SUMF1: variants seen among roughly 807,000 people sequenced by gnomAD.
SUMF1 encodes the protein sulfatase modifying factor 1, also known as formylglycine-generating enzyme.
Under a neutral mutation model 47.6 loss-of-function variants are expected in SUMF1, and 48 were observed. That is an observed-to-expected ratio of 1.01 (90% CI 0.80 to 1.28). The LOEUF (loss-of-function observed/expected upper bound fraction) is 1.28, where lower values mean the gene tolerates loss of function less well. Among genes scored for constraint, SUMF1 ranks in the 50% most tolerant of loss-of-function variants. SUMF1 has a pLI of 0.00. For missense variants in SUMF1, 571 were observed against 485.4 expected (o/e 1.18, Z -1.66); for synonymous variants, 230 against 192.1 (o/e 1.20, Z -1.63).
At chr3:4,345,503 C>G (rs2125146946) in intron 8 of SUMF1, among the ~76,000 whole-genome samples, 1 of 152,306 alleles carries the variant, frequency 6.6e-6, no homozygotes, top group South Asian at 2.1e-4. Flanking sequence ...TCATTACCAA[C>G]AGGCCTGCCC....
chr3:4,187,173 C>A lies in SUMF1; in HGVS notation c.1015-118428G>T, dbSNP rs1376059026. Among the ~76,000 whole-genome samples, 3 of 151,828 alleles carry A rather than the reference C, an allele frequency of 2.0e-5. No homozygotes were observed. In the East Asian group the frequency reaches 5.8e-4, roughly 29 times the overall value. On this transcript the variant is annotated intron_variant and NMD_transcript_variant, in intron 8 of 12. Transcript: ENST00000448413. ...CTGCTTGAAGCCAGGAGTATGAGAC[C>A]AGCCTGGGCAACAAAGCAAGACCCC... is the stretch of plus-strand genomic sequence containing the variant.
intron 9 of SUMF1, among the ~76,000 whole-genome samples, chr3:4,041,330 C>T (rs1238200853): frequency 6.6e-6 from 1 of 152,196 alleles, no homozygotes; most frequent in East Asian, 1.9e-4. Context: ...CCTCGGCCTC[C>T]CAAAGTGCTG....
intron 8 of SUMF1, among the ~76,000 whole-genome samples, chr3:4,335,973 A>AAAAAAAAC (rs1699144751): frequency 1.3e-5 from 2 of 148,218 alleles, no homozygotes; most frequent in Non-Finnish European, 1.5e-5. Flanking sequence ...AAAAAAAAAA[A>AAAAAAAAC]AAAAAAACAG....
At chr3:4,385,196 G>A (rs1700633409) in intron 7 of SUMF1, among the ~76,000 whole-genome samples, 1 of 151,994 alleles carries the variant, frequency 6.6e-6, no homozygotes, top group South Asian at 2.1e-4. Context: ...GAATGTTTAG[G>A]TTTTAAAGAA....
intron 8 of SUMF1, among the ~76,000 whole-genome samples, chr3:4,141,334 G>C (rs1233769665): frequency 1.3e-5 from 2 of 152,120 alleles, no homozygotes; most frequent in African/African-American, 4.8e-5. Context: ...GGCCAAGGGG[G>C]AGAAGAAATT....
chr3:4,288,113 C>G (rs1048092746), intron 8 of SUMF1, among the ~76,000 whole-genome samples: 10 of 152,106 alleles, frequency 6.6e-5, no homozygotes, highest in Non-Finnish European at 1.5e-4. Flanking sequence ...CCATTTAGAA[C>G]TACCTCACCA....
intron 8 of SUMF1, among the ~76,000 whole-genome samples, chr3:4,070,020 T>G (rs887002974): frequency 6.6e-6 from 1 of 152,196 alleles, no homozygotes; most frequent in Non-Finnish European, 1.5e-5. Context: ...GAGAAATTCC[T>G]CTGCACAATA....
intron 8 of SUMF1, among the ~76,000 whole-genome samples, chr3:4,199,407 T>C (rs1695495445): frequency 6.6e-6 from 1 of 152,152 alleles, no homozygotes; most frequent in African/African-American, 2.4e-5. Flanking sequence ...TTGTCCAACT[T>C]TGAGGTATTA....
At chr3:4,043,912 C>T (rs1204153977) in intron 9 of SUMF1, among the ~76,000 whole-genome samples, 1 of 152,118 alleles carries the variant, frequency 6.6e-6, no homozygotes, top group East Asian at 1.9e-4. Context: ...TATTTCTATA[C>T]TGGCAATAAA....
intron 9 of SUMF1, among the ~76,000 whole-genome samples, chr3:4,039,658 TTGTG>T (rs1694873035): frequency 6.7e-6 from 1 of 148,352 alleles, no homozygotes; most frequent in African/African-American, 2.6e-5. Flanking sequence ...GTCTTTGCTA[TTGTG>T]ATTAAAAGGT....
intron 8 of SUMF1, among the ~76,000 whole-genome samples, chr3:4,134,300 C>A (rs916151313): frequency 2.6e-5 from 4 of 152,128 alleles, no homozygotes; most frequent in African/African-American, 7.2e-5. Flanking sequence ...AACTAGAACT[C>A]AGGATTAAGA....
At position 4,266,571 on chromosome 3, in the gene SUMF1, C is replaced by T. The variant is rs573794579; in HGVS notation, c.1014+109759G>A. 6.0e-3 allele frequency among the ~76,000 whole-genome samples: 909 copies of T among 152,100 alleles called. 8 individuals are homozygous for T. The highest frequency in any genetic ancestry group is 0.021 in the African/African-American group (856 of 41,464). ...AATGCTTGTGATTTTTGTACATTGA[C>T]TTTGTATCCTGAGACTTTGCTGAAG... On this transcript the variant is annotated intron_variant and NMD_transcript_variant, in intron 8 of 12. Coordinates refer to the SUMF1 transcript ENST00000448413.
intron 8 of SUMF1, among the ~76,000 whole-genome samples, chr3:4,315,975 A>C (rs367644981): frequency 1.4e-5 from 2 of 147,250 alleles, no homozygotes; most frequent in East Asian, 2.1e-4. Context: ...TGAGCCCAGG[A>C]GGCAGAGGTT....
intron 7 of SUMF1, among the ~76,000 whole-genome samples, chr3:4,395,939 T>A (rs905566905): frequency 6.6e-6 from 1 of 152,246 alleles, no homozygotes; most frequent in Non-Finnish European, 1.5e-5. Context: ...TTGTTTTCTA[T>A]ATTTTTAGTC....
At chr3:4,324,141 T>C (rs1248399616) in intron 8 of SUMF1, among the ~76,000 whole-genome samples, 1 of 152,172 alleles carries the variant, frequency 6.6e-6, no homozygotes, top group Non-Finnish European at 1.5e-5. Context: ...ATTAGAATGT[T>C]TGAACATGAT....
At chr3:4,166,937 C>T (rs1022664340) in intron 8 of SUMF1, among the ~76,000 whole-genome samples, 32 of 152,178 alleles carry the variant, frequency 2.1e-4, no homozygotes, top group African/African-American at 6.3e-4. Context: ...TTTAGTCCAG[C>T]GGCTGCACTA....
At chr3:4,194,662 G>A (rs1325347401) in intron 8 of SUMF1, among the ~76,000 whole-genome samples, 1 of 152,096 alleles carries the variant, frequency 6.6e-6, no homozygotes, top group Non-Finnish European at 1.5e-5. Flanking sequence ...GCTTATAATT[G>A]CTTGGCACAT....
intron 8 of SUMF1, among the ~76,000 whole-genome samples, chr3:4,184,028 GGGA>G (rs1695149370): frequency 6.6e-6 from 1 of 151,828 alleles, no homozygotes; most frequent in African/African-American, 2.4e-5. Context: ...CCACCTACTC[GGGA>G]GGCTGAAGTA....
Position 4,133,479 on chromosome 3 carries a change from G to T in SUMF1, c.1015-64734C>A, listed in dbSNP as rs117313109. Among the ~76,000 whole-genome samples the T allele has an allele frequency of 2.2e-4, 34 of 152,210 alleles. No homozygotes were observed. In the East Asian group the frequency reaches 6.6e-3, roughly 29 times the overall value. ...AGGATACAAAGTATTGGTCCTCAGTGTGTCTGTGAGGGTGTTGCTGAAGGA... is the reference window on the plus strand; with the variant it reads ...AGGATACAAAGTATTGGTCCTCAGTTTGTCTGTGAGGGTGTTGCTGAAGGA... On this transcript the variant is annotated intron_variant and NMD_transcript_variant, in intron 8 of 12. Transcript: ENST00000448413.
Sources: allele counts gnomAD v4.1 joint callset (sites outside exome capture counted in the v4.1 genomes callset), GRCh38; gene constraint gnomAD v4.1.1; transcripts MANE v1.5; gene names NCBI Gene and HGNC (gene_info 2026-07-23, HGNC 2026-07-21).